SUPT3H: variants seen among roughly 807,000 people sequenced by gnomAD.
SUPT3H encodes the protein transcription initiation protein SPT3 homolog.
In SUPT3H, 44 loss-of-function variants were observed where a neutral mutation model predicts 44.3. The observed-to-expected ratio is 0.99, with a 90% CI of 0.78 to 1.28. The LOEUF is 1.28. SUPT3H is among the 50% of genes most tolerant of loss of function. The pLI, the probability that SUPT3H is intolerant of heterozygous loss-of-function variation, is 0.00. For missense variants in SUPT3H, 380 were observed against 387.1 expected (o/e 0.98, Z 0.15); for synonymous variants, 124 against 125.6 (o/e 0.99, Z 0.09).
At chr6:44,817,836 A>G (rs911278641) in intron 11 of SUPT3H, among the ~76,000 whole-genome samples, 2 of 152,170 alleles carry the variant, frequency 1.3e-5, no homozygotes, top group Non-Finnish European at 2.9e-5. Context: ...ATTTAAAAAG[A>G]CCTTTATAAA....
chr6:44,899,381 A>G (rs930266846), intron 10 of SUPT3H: 3 of 152,112 alleles, frequency 2.0e-5, no homozygotes, highest in Admixed American at 2.0e-4. Flanking sequence ...ATTTAAGGAA[A>G]TTTGTGCCTA....
At chr6:45,216,602 T>C (rs1015979400) in intron 2 of SUPT3H, among the ~76,000 whole-genome samples, 2 of 152,100 alleles carry the variant, frequency 1.3e-5, no homozygotes, top group Non-Finnish European at 2.9e-5. Context: ...AGTGAAAAGA[T>C]GCCAAAGGTA....
intron 2 of SUPT3H, among the ~76,000 whole-genome samples, chr6:45,262,109 T>C (rs1031869001): frequency 1.3e-5 from 2 of 152,160 alleles, no homozygotes; most frequent in African/African-American, 4.8e-5. Flanking sequence ...TCCATGCTTG[T>C]GGATAGCAAG....
chr6:45,204,462 A>T (rs1762923865), intron 2 of SUPT3H, among the ~76,000 whole-genome samples: 1 of 152,144 alleles, frequency 6.6e-6, no homozygotes, highest in Non-Finnish European at 1.5e-5. Flanking sequence ...AACACTTATA[A>T]AGAATCTACT....
chr6:44,934,415 T>A (rs953987320), intron 9 of SUPT3H, among the ~76,000 whole-genome samples: 7 of 152,116 alleles, frequency 4.6e-5, no homozygotes, highest in African/African-American at 1.4e-4. Flanking sequence ...AAGCAACCAC[T>A]GAAAAGAATG....
chr6:45,041,921 CCATGGTACG>C, intron 3 of SUPT3H, among the ~76,000 whole-genome samples: 1 of 152,198 alleles, frequency 6.6e-6, no homozygotes, highest in Middle Eastern at 3.4e-3. Flanking sequence ...TATAAAGATA[CCATGGTACG>C]CAGGCCTCCA....
At chr6:45,265,764 T>C (rs1378688366) in intron 2 of SUPT3H, among the ~76,000 whole-genome samples, 4 of 152,038 alleles carry the variant, frequency 2.6e-5, no homozygotes, top group Non-Finnish European at 4.4e-5. Flanking sequence ...ACAAAAATTA[T>C]GCCATTTGGA....
chr6:45,328,518 C>T (rs753679387), intron 2 of SUPT3H: 345 of 1,555,592 alleles, frequency 2.2e-4, no homozygotes, highest in Non-Finnish European at 2.7e-4. Flanking sequence ...AATATTTGCT[C>T]ATTCTCTTTT....
At chr6:45,375,846 A>G (rs931792267) in intron 1 of SUPT3H, among the ~76,000 whole-genome samples, 1 of 152,056 alleles carries the variant, frequency 6.6e-6, no homozygotes, top group African/African-American at 2.4e-5. Context: ...AAACAGATGC[A>G]CATATTTCAA....
At chr6:44,975,072 G>A (rs928502775) in intron 6 of SUPT3H, among the ~76,000 whole-genome samples, 2 of 152,106 alleles carry the variant, frequency 1.3e-5, no homozygotes, top group Non-Finnish European at 2.9e-5. Flanking sequence ...TCGGGAGGTT[G>A]AGGCAGGGGA....
Position 45,128,503 on chromosome 6 carries a change from C to CAAAAAAAAAAA in SUPT3H, c.102-22508_102-22498dup, listed in dbSNP as rs1168489460. 1.6e-4 allele frequency among the ~76,000 whole-genome samples: 2 copies of CAAAAAAAAAAA among 12,460 alleles called. 1 individual carries two copies. Among genetic ancestry groups the CAAAAAAAAAAA allele is most frequent in the African/African-American group, 9.1e-4 (2 of 2,198 alleles). The allele number at this position is 12,460 out of a possible 152,430, so 8.2% of individuals were successfully genotyped here. On this transcript the variant is annotated intron_variant, in intron 2 of 10. Coordinates refer to ENST00000371459, the MANE Select transcript of SUPT3H (RefSeq NM_003599.4). ...CTGGCAACAGAGCAAGACTCTGTCT[C>CAAAAAAAAAAA]AAAAAAAAAAAAAAAAAAAAAAAAA... is the stretch of plus-strand genomic sequence containing the variant.
intron 6 of SUPT3H, among the ~76,000 whole-genome samples, chr6:44,989,557 T>C (rs1268856497): frequency 6.6e-6 from 1 of 152,130 alleles, no homozygotes; most frequent in Non-Finnish European, 1.5e-5. Context: ...TAGTCTACTT[T>C]TAACTTTTTG....
intron 10 of SUPT3H, among the ~76,000 whole-genome samples, chr6:44,852,794 T>TA (rs1269503112): frequency 6.6e-6 from 1 of 152,170 alleles, no homozygotes; most frequent in Admixed American, 6.5e-5. Flanking sequence ...GTAATTTGTA[T>TA]AAAAAATGCT....
At chr6:44,949,910 T>C (rs1482426224) in intron 9 of SUPT3H, among the ~76,000 whole-genome samples, 1 of 152,212 alleles carries the variant, frequency 6.6e-6, no homozygotes, top group African/African-American at 2.4e-5. Context: ...CCTAACTCTA[T>C]GACCCAACAA....
intron 10 of SUPT3H, among the ~76,000 whole-genome samples, chr6:44,865,351 C>T (rs192808080): frequency 6.6e-6 from 1 of 152,314 alleles, no homozygotes; most frequent in Non-Finnish European, 1.5e-5. Flanking sequence ...TCCAAAGTCA[C>T]TTCCACATTT....
At chr6:45,128,978 G>A (rs570511595) in intron 2 of SUPT3H, among the ~76,000 whole-genome samples, 27 of 152,180 alleles carry the variant, frequency 1.8e-4, no homozygotes, top group African/African-American at 6.0e-4. Flanking sequence ...GGGCCACCAC[G>A]CCTGGCCTCT....
At chr6:44,969,691 T>TAGA (rs1272549115) in intron 6 of SUPT3H, among the ~76,000 whole-genome samples, 1 of 152,202 alleles carries the variant, frequency 6.6e-6, no homozygotes, top group Non-Finnish European at 1.5e-5. Flanking sequence ...ACTGATGAAG[T>TAGA]AGAAACCAAA....
At chr6:45,089,452 C>T (rs961118568) in intron 3 of SUPT3H, among the ~76,000 whole-genome samples, 1 of 151,948 alleles carries the variant, frequency 6.6e-6, no homozygotes, top group Non-Finnish European at 1.5e-5. Context: ...AAATGCCATT[C>T]GCCTTATTCT....
chr6:45,279,474 G>A (rs965904074), intron 2 of SUPT3H, among the ~76,000 whole-genome samples: 16 of 152,154 alleles, frequency 1.1e-4, no homozygotes, highest in African/African-American at 3.9e-4. Flanking sequence ...GTGGCTTGGT[G>A]CTGTCCTCCT....
Sources: gnomAD v4.1 joint callset for allele counts (sites outside exome capture counted in the v4.1 genomes callset) on GRCh38, gnomAD v4.1.1 for gene constraint, MANE v1.5 for transcripts, NCBI Gene and HGNC (gene_info 2026-07-23, HGNC 2026-07-21) for gene names.